The following IL19 variants were observed in gnomAD, a reference collection of about 807,000 sequenced individuals.
IL19 encodes interleukin 19.
In IL19, 15 loss-of-function variants were observed where a neutral mutation model predicts 19.5. That is an observed-to-expected ratio of 0.77 (90% CI 0.52 to 1.19). The LOEUF (loss-of-function observed/expected upper bound fraction) is 1.19. Ranked by LOEUF, IL19 falls within the 50% of genes most tolerant of loss-of-function variation. The pLI is 0.00. For synonymous variants in IL19, 78 were observed against 78.3 expected (o/e 1.00, Z 0.02); for missense variants, 199 against 213.1 (o/e 0.93, Z 0.41).
intron 1 of IL19, among the ~76,000 whole-genome samples, chr1:206,773,586 T>TTGTGTGTGTGTGTGTGTGTG (rs2234662): frequency 7.6e-6 from 1 of 131,780 alleles, no homozygotes; most frequent in Non-Finnish European, 1.6e-5. Context: ...TGTCTTGGAT[T>TTGTGTGTGTGTGTGTGTGTG]TGTGTGTGTG....
chr1:206,818,708 C>T lies in IL19; in HGVS notation c.-2-17953C>T, dbSNP rs147418435. On this transcript the variant is annotated intron_variant, in intron 2 of 6. Coordinates refer to ENST00000659997, the MANE Select transcript of IL19 (RefSeq NM_153758.5). ...CTTTCGTTACAATAAAAAGTCAGCC[C>T]ATTTAGAAGTTTATAAAGAAAAGTG... Among the ~76,000 whole-genome samples the T allele has an allele frequency of 3.5e-3, 540 of 152,268 alleles. 4 individuals carry two copies. The highest frequency in any genetic ancestry group is 0.012 in the African/African-American group (513 of 41,548).
intron 2 of IL19, among the ~76,000 whole-genome samples, chr1:206,806,466 T>A (rs1675848440): frequency 6.6e-6 from 1 of 152,224 alleles, no homozygotes; most frequent in African/African-American, 2.4e-5. Context: ...TTTTCAGATT[T>A]ATTTTCCATA....
chr1:206,818,639 G>T (rs1676220710), intron 2 of IL19, among the ~76,000 whole-genome samples: 1 of 152,070 alleles, frequency 6.6e-6, no homozygotes, highest in Non-Finnish European at 1.5e-5. Context: ...TGAGGTGATG[G>T]TTTTATGGAT....
At chr1:206,779,616 G>A (rs1675084608) in intron 1 of IL19, among the ~76,000 whole-genome samples, 1 of 152,108 alleles carries the variant, frequency 6.6e-6, no homozygotes, top group Admixed American at 6.5e-5. Flanking sequence ...TTATTTCCAA[G>A]CACCAATCTG....
chr1:206,832,039 G>A (rs771741540), intron 2 of IL19, among the ~76,000 whole-genome samples: 2 of 152,216 alleles, frequency 1.3e-5, no homozygotes, highest in Non-Finnish European at 2.9e-5. Context: ...GAGGGACTCC[G>A]AGCCAGGCAG....
At chr1:206,814,416 C>T (rs553409556) in intron 2 of IL19, among the ~76,000 whole-genome samples, 2 of 150,186 alleles carry the variant, frequency 1.3e-5, no homozygotes, top group Admixed American at 6.7e-5. Context: ...TTGGGCCTGG[C>T]GTGGTGGCTC....
chr1:206,842,698 A>C lies in IL19; in HGVS notation c.*76A>C. 1 of 867,906 alleles carries C rather than the reference A, an allele frequency of 1.2e-6. No individual in the cohort carries two copies. 53.8% of individuals were successfully genotyped at this position (867,906 alleles called of 1,614,324 possible). The stretch of plus-strand genomic sequence containing the variant: ...TACTGTGGGAGACAGCCCACCTTGA[A>C]GGGGAAGGAGATGGGGAAGGCCCCT... On this transcript the variant is annotated 3_prime_UTR_variant, in exon 7 of 7. Transcript: ENST00000659997.
chr1:206,815,318 C>T (rs1191968185), intron 2 of IL19, among the ~76,000 whole-genome samples: 1 of 151,824 alleles, frequency 6.6e-6, no homozygotes, highest in Non-Finnish European at 1.5e-5. Context: ...TACCCAGATT[C>T]GAGGGCAGGA....
chr1:206,824,903 C>T (rs1309722959), intron 2 of IL19, among the ~76,000 whole-genome samples: 1 of 152,144 alleles, frequency 6.6e-6, no homozygotes, highest in Non-Finnish European at 1.5e-5. Flanking sequence ...TACAGGCGCC[C>T]ATCACCACAC....
intron 2 of IL19, among the ~76,000 whole-genome samples, chr1:206,830,467 C>T (rs1431381755): frequency 6.6e-6 from 1 of 151,988 alleles, no homozygotes; most frequent in African/African-American, 2.4e-5. Flanking sequence ...GAAGTTCACA[C>T]ATATCATTAT....
intron 2 of IL19, among the ~76,000 whole-genome samples, chr1:206,809,326 C>G (rs1338457890): frequency 6.6e-6 from 1 of 152,164 alleles, no homozygotes. Context: ...ATGTGATAGG[C>G]TTTTTAGTCT....
At position 206,775,357 on chromosome 1, in the gene IL19, C is replaced by T. The variant is rs983496894; in HGVS notation, c.-149+4279C>T. Among the ~76,000 whole-genome samples, 3 of 152,120 alleles carry T rather than the reference C, an allele frequency of 2.0e-5. No individual in the cohort carries two copies. The East Asian group carries it at 5.8e-4, about 29-fold the overall frequency. Reference sequence around the variant, plus strand: ...ATGAGCCACTGTGCCCGGCCCGGATCTGACTTCTTTATTTGTTCTGAAATG... The same window carrying T: ...ATGAGCCACTGTGCCCGGCCCGGATTTGACTTCTTTATTTGTTCTGAAATG... On this transcript the variant is annotated intron_variant, in intron 1 of 6. Coordinates refer to ENST00000659997, the MANE Select transcript of IL19 (RefSeq NM_153758.5).
chr1:206,777,459 A>G (rs1480570178), intron 1 of IL19, among the ~76,000 whole-genome samples: 1 of 151,970 alleles, frequency 6.6e-6, no homozygotes, highest in African/African-American at 2.4e-5. Flanking sequence ...ATGCTAAGCA[A>G]AATGGCAGCC....
chr1:206,783,817 T>C (rs925809866), intron 1 of IL19, among the ~76,000 whole-genome samples: 1 of 152,192 alleles, frequency 6.6e-6, no homozygotes, highest in African/African-American at 2.4e-5. Flanking sequence ...TTGGGCAAGT[T>C]TCTGAGCCTC....
chr1:206,799,584 A>C (rs1675628356), intron 2 of IL19, among the ~76,000 whole-genome samples: 2 of 152,224 alleles, frequency 1.3e-5, no homozygotes, highest in Admixed American at 1.3e-4. Flanking sequence ...GAGGACTGCA[A>C]CTGCACAGCT....
rs2243199 is a variant in IL19 at position 206,842,691 on chromosome 1, A to G, written c.*69A>G. 4.8e-3 allele frequency: 4,451 copies of G among 923,920 alleles called. 18 individuals carry two copies. The highest frequency in any genetic ancestry group is 0.01 in the South Asian group (680 of 65,184). 57.2% of individuals were successfully genotyped at this position (923,920 alleles called of 1,614,324 possible). A position where few individuals can be genotyped will look rare whatever the true frequency, so the allele number is the denominator to read the frequency against. On this transcript the variant is annotated 3_prime_UTR_variant, in exon 7 of 7. Transcript: ENST00000659997. ...TGCGGTTTACTGTGGGAGACAGCCC[A>G]CCTTGAAGGGGAAGGAGATGGGGAA...
rs917419621 is a variant in IL19, at chr1:206,811,693, C to G, written c.-3+12687C>G. On this transcript the variant is annotated intron_variant, in intron 2 of 6. Coordinates refer to ENST00000659997, the MANE Select transcript of IL19 (RefSeq NM_153758.5). ...TTTAACAACATGGACTTACCCTAGT[C>G]AAGGCTTTTTTGAATACCAACACTG... 3.3e-5 allele frequency among the ~76,000 whole-genome samples: 5 copies of G among 152,272 alleles called. No homozygotes were observed. In the East Asian group the frequency reaches 5.8e-4, roughly 18 times the overall value.
chr1:206,798,768 C>T (rs747387612), intron 1 of IL19, 93 bp from the exon 2 acceptor site: 14 of 632,082 alleles, frequency 2.2e-5, no homozygotes, highest in Admixed American at 8.9e-5. Context: ...AAGAGGTTGC[C>T]GTGTGTGCAC....
chr1:206,825,686 AT>A (rs1386378853), intron 2 of IL19, among the ~76,000 whole-genome samples: 2 of 152,132 alleles, frequency 1.3e-5, no homozygotes, highest in East Asian at 3.9e-4. Context: ...TACAGCATAG[AT>A]CCAGGGGCTC....
Sources: gnomAD v4.1 joint callset for allele counts (sites outside exome capture counted in the v4.1 genomes callset) on GRCh38, gnomAD v4.1.1 for gene constraint, MANE v1.5 for transcripts, NCBI Gene and HGNC (gene_info 2026-07-23, HGNC 2026-07-21) for gene names.